The following BZW2 variants were observed in gnomAD, a reference collection of about 807,000 sequenced individuals.
BZW2 encodes basic leucine zipper and W2 domains 2, also known as eIF5-mimic protein 1.
Under a neutral mutation model 53.2 loss-of-function variants are expected in BZW2, and 23 were observed. The ratio of observed to expected loss-of-function variants is 0.43; its 90% CI spans 0.31 to 0.61. The LOEUF is 0.61. Among genes scored for constraint, BZW2 ranks in the 20% least tolerant of loss-of-function variants. BZW2 has a pLI of 0.09. For synonymous variants in BZW2, 227 were observed against 186.4 expected, an observed-to-expected ratio of 1.22 and a Z score of -1.77; for missense variants, 409 against 503.1, an observed-to-expected ratio of 0.81 and a Z score of 1.79.
rs370468527 is a variant in BZW2, at chr7:16,694,911, C to T, written c.729C>T (p.Ser243=). ...YFTDAGLKEL[S]DFLRVQQSLG... is the part of the protein sequence containing the mutation. ...CTGACGCAGGTCTTAAGGAGCTTTC[C>T]GACTTCCTCCGAGTCCAGCAGTCCC... Residue 243 remains serine, a synonymous_variant, in exon 8 of 12, where the codon TCC becomes TCT. Transcript: ENST00000258761. The T allele has an allele frequency of 2.9e-5, 46 of 1,595,434 alleles. No homozygotes were observed. The highest frequency in any genetic ancestry group is 8.4e-5 in the Admixed American group (5 of 59,870).
intron 5 of BZW2, among the ~76,000 whole-genome samples, chr7:16,683,842 A>G (rs1384585484): frequency 1.3e-5 from 2 of 152,114 alleles, no homozygotes; most frequent in African/African-American, 2.4e-5. Flanking sequence ...CTTCTTCCCT[A>G]CTTACTTACT....
intron 1 of BZW2, among the ~76,000 whole-genome samples, chr7:16,647,009 C>A (rs1206741206): frequency 6.6e-6 from 1 of 152,076 alleles, no homozygotes; most frequent in Non-Finnish European, 1.5e-5. Flanking sequence ...ATTGGTGTTG[C>A]TGCCTATATA....
rs958656956 is a variant in BZW2, at chr7:16,654,513, C to G, written c.-8+8225C>G. On this transcript the variant is annotated intron_variant, in intron 1 of 11. Transcript: ENST00000258761. ...TTTAATTTTTTTCTGTATATAACCC[C>G]CCCCCCCCAAAAAAAAACGGATGAT... is the stretch of plus-strand genomic sequence containing the variant. Among the ~76,000 whole-genome samples, 397 of 132,860 alleles carry G rather than the reference C, an allele frequency of 3.0e-3. 4 individuals are homozygous for G. The highest frequency in any genetic ancestry group is 0.011 in the African/African-American group (376 of 34,912). The allele number at this position is 132,860 out of a possible 152,430, so 87.2% of individuals were successfully genotyped here.
At chr7:16,686,202 A>C (rs1230911648) in intron 6 of BZW2, 162 bp downstream of exon 6, 8 of 1,121,606 alleles carry the variant, frequency 7.1e-6, no homozygotes, top group Non-Finnish European at 8.8e-6. Flanking sequence ...AAATAATAAA[A>C]GGAGTGGACT....
Position 16,699,860 on chromosome 7 carries a change from T to G in BZW2, c.1108+1674T>G, listed in dbSNP as rs112796073. Among the ~76,000 whole-genome samples, 1,306 of 152,256 alleles carry G rather than the reference T, an allele frequency of 8.6e-3. 14 individuals carry two copies. The highest frequency in any genetic ancestry group is 0.014 in the Non-Finnish European group (957 of 68,026). On this transcript the variant is annotated intron_variant, in intron 10 of 11. Coordinates refer to ENST00000258761, the MANE Select transcript of BZW2 (RefSeq NM_014038.3). The stretch of plus-strand genomic sequence containing the variant: ...GTAGTAAAACTGGCTACTTTGAGTT[T>G]TTTCTTCTTCATCAGCCCCAGATGC...
intron 7 of BZW2, among the ~76,000 whole-genome samples, chr7:16,691,632 A>T (rs1389201885): frequency 1.3e-5 from 2 of 152,238 alleles, no homozygotes; most frequent in African/African-American, 2.4e-5. Flanking sequence ...AATCCAATCC[A>T]CTAATAGGCT....
At chr7:16,673,702 A>G (rs1782678497) in intron 2 of BZW2, among the ~76,000 whole-genome samples, 1 of 152,066 alleles carries the variant, frequency 6.6e-6, no homozygotes, top group African/African-American at 2.4e-5. Flanking sequence ...AAAGTTTAGA[A>G]TCCTAATCCT....
chr7:16,652,440 T>C (rs1280039526), intron 1 of BZW2, among the ~76,000 whole-genome samples: 4 of 152,216 alleles, frequency 2.6e-5, no homozygotes, highest in African/African-American at 9.6e-5. Context: ...CCTGATTTAG[T>C]GCTTGCTGCA....
At chr7:16,651,676 C>T (rs1464770526) in intron 1 of BZW2, among the ~76,000 whole-genome samples, 1 of 152,088 alleles carries the variant, frequency 6.6e-6, no homozygotes, top group Non-Finnish European at 1.5e-5. Context: ...AAACTGTATC[C>T]TATAGTGCTA....
At chr7:16,690,085 C>G (rs1427293525) in intron 7 of BZW2, among the ~76,000 whole-genome samples, 179 bp downstream of exon 7, 1 of 152,094 alleles carries the variant, frequency 6.6e-6, no homozygotes, top group Non-Finnish European at 1.5e-5. Flanking sequence ...ATTTTGTGAA[C>G]AAATGGCACA....
In BZW2 at chr7:16,646,210, T is replaced by A; in HGVS notation, c.-86T>A. 1 of 343,400 alleles carries A rather than the reference T, an allele frequency of 2.9e-6. No homozygotes were observed. The allele number at this position is 343,400 out of a possible 1,614,324, so 21.3% of individuals were successfully genotyped here. On this transcript the variant is annotated 5_prime_UTR_variant, in exon 1 of 12. Coordinates refer to ENST00000258761, the MANE Select transcript of BZW2 (RefSeq NM_014038.3). ...CTCCATTGTCTGCCGCCACTGCTGCTGCTGCTGCTGCTGCCGCTGCTGCTG... is the reference window on the plus strand; with the variant it reads ...CTCCATTGTCTGCCGCCACTGCTGCAGCTGCTGCTGCTGCCGCTGCTGCTG...
chr7:16,683,202 T>C (rs774243584), intron 5 of BZW2, among the ~76,000 whole-genome samples: 5 of 151,992 alleles, frequency 3.3e-5, no homozygotes, highest in Non-Finnish European at 5.9e-5. Flanking sequence ...TCTCAAAAAA[T>C]AAAATAAAAT....
At chr7:16,676,268 G>A (rs1219517560) in intron 3 of BZW2, among the ~76,000 whole-genome samples, 2 of 152,110 alleles carry the variant, frequency 1.3e-5, no homozygotes, top group African/African-American at 4.8e-5. Flanking sequence ...ATATTTAGGG[G>A]CTGGGCACGG....
chr7:16,685,421 T>G (rs912520958), intron 5 of BZW2, among the ~76,000 whole-genome samples: 1 of 152,116 alleles, frequency 6.6e-6, no homozygotes. Flanking sequence ...TGTTTTTTTT[T>G]TTTGTTTGTG....
intron 8 of BZW2, 68 bp downstream of exon 8, chr7:16,695,072 A>G (rs1562495943): frequency 7.2e-7 from 1 of 1,398,396 alleles, no homozygotes; most frequent in East Asian, 2.3e-5. Context: ...GCTGTGTAGC[A>G]AAGGCTTTCC....
At chr7:16,667,998 G>C (rs1355175477) in intron 2 of BZW2, among the ~76,000 whole-genome samples, 1 of 152,168 alleles carries the variant, frequency 6.6e-6, no homozygotes, top group Non-Finnish European at 1.5e-5. Context: ...ATTTTAAAAG[G>C]ATTTATCAGT....
intron 1 of BZW2, among the ~76,000 whole-genome samples, chr7:16,657,088 A>T (rs1782143435): frequency 6.6e-6 from 1 of 152,334 alleles, no homozygotes; most frequent in Non-Finnish European, 1.5e-5. Context: ...ATATCTTTTT[A>T]TGCAAAAATG....
intron 1 of BZW2, among the ~76,000 whole-genome samples, chr7:16,656,544 A>AAC (rs1782126353): frequency 1.8e-5 from 2 of 113,842 alleles, no homozygotes; most frequent in African/African-American, 6.8e-5. Flanking sequence ...AGCACTCCCC[A>AAC]GCGCGCGCGC....
At chr7:16,655,250 A>G (rs1467955064) in intron 1 of BZW2, among the ~76,000 whole-genome samples, 4 of 152,216 alleles carry the variant, frequency 2.6e-5, no homozygotes, top group African/African-American at 9.6e-5. Context: ...TCATAAATCT[A>G]TTAATTAAAA....
Sources: allele counts gnomAD v4.1 joint callset (sites outside exome capture counted in the v4.1 genomes callset), GRCh38; gene constraint gnomAD v4.1.1; transcripts MANE v1.5; gene names NCBI Gene and HGNC (gene_info 2026-07-23, HGNC 2026-07-21).